The following STRN3 variants were observed in gnomAD, a reference collection of about 807,000 sequenced individuals.
STRN3 encodes striatin-3.
A neutral mutation model predicts 95.6 loss-of-function variants in STRN3; 29 were observed. The ratio of observed to expected loss-of-function variants is 0.30; its 90% CI spans 0.23 to 0.41. STRN3 has a LOEUF of 0.41. Ranked by LOEUF, STRN3 falls within the 10% of genes least tolerant of loss-of-function variation. The probability of loss-of-function intolerance (pLI) is 1.00; values close to 1 mark genes in which losing one functional copy is unlikely to be tolerated. For missense variants in STRN3, 890 were observed against 972.1 expected (o/e 0.92, Z 1.12); for synonymous variants, 331 against 357.6 (o/e 0.93, Z 0.84).
At chr14:30,980,290 TAATTTTTTAACTGC>T (rs749566951) in intron 1 of STRN3, among the ~76,000 whole-genome samples, 24 of 152,294 alleles carry the variant, frequency 1.6e-4, no homozygotes, top group Admixed American at 6.5e-4. Context: ...TGACAGCAGA[TAATTTTTTAACTGC>T]AAGACCACTA....
At chr14:30,982,683 C>T (rs558654811) in intron 1 of STRN3, among the ~76,000 whole-genome samples, 79 of 152,328 alleles carry the variant, frequency 5.2e-4, no homozygotes, top group African/African-American at 1.8e-3. Context: ...CATTAAGCCA[C>T]AGATAAGCCC....
At chr14:31,003,800 A>T (rs1272962030) in intron 1 of STRN3, among the ~76,000 whole-genome samples, 1 of 146,802 alleles carries the variant, frequency 6.8e-6, no homozygotes, top group Non-Finnish European at 1.5e-5. Flanking sequence ...CTTTCTTAAA[A>T]AAAAAAAAAA....
At chr14:30,921,798 A>C (rs1170736908) in intron 8 of STRN3, among the ~76,000 whole-genome samples, 1 of 152,204 alleles carries the variant, frequency 6.6e-6, no homozygotes, top group Non-Finnish European at 1.5e-5. Context: ...TAATTAAATA[A>C]AAACTGAAAT....
chr14:30,952,577 G>A (rs568418629), intron 3 of STRN3, among the ~76,000 whole-genome samples: 1 of 152,084 alleles, frequency 6.6e-6, no homozygotes, highest in African/African-American at 2.4e-5. Context: ...GCACGTGCCT[G>A]TAGTCCCAGC....
chr14:31,006,085 C>T (rs116648557), intron 1 of STRN3, among the ~76,000 whole-genome samples: 2,681 of 143,338 alleles, frequency 0.019, 74 homozygotes, highest in African/African-American at 0.065. Flanking sequence ...CGCCACTGCA[C>T]TCAGGCCTAG....
intron 9 of STRN3, among the ~76,000 whole-genome samples, 163 bp downstream of exon 9, chr14:30,918,803 A>C (rs1896807343): frequency 6.6e-6 from 1 of 152,234 alleles, no homozygotes; most frequent in South Asian, 2.1e-4. Context: ...CAGAAATGTC[A>C]AAATCCCTAA....
chr14:31,024,465 G>A (rs1289705758), intron 1 of STRN3, among the ~76,000 whole-genome samples: 1 of 152,140 alleles, frequency 6.6e-6, no homozygotes, highest in Non-Finnish European at 1.5e-5. Context: ...CTTTTTTAAA[G>A]TTATGTAATT....
chr14:31,007,195 C>T (rs1043330871), intron 1 of STRN3, among the ~76,000 whole-genome samples: 5 of 152,030 alleles, frequency 3.3e-5, no homozygotes, highest in African/African-American at 1.2e-4. Flanking sequence ...CCGGAAGGAC[C>T]GCAGCAGACA....
intron 8 of STRN3, among the ~76,000 whole-genome samples, chr14:30,919,830 T>C (rs752818457): frequency 6.6e-6 from 1 of 152,126 alleles, no homozygotes; most frequent in Non-Finnish European, 1.5e-5. Flanking sequence ...GGCCAAAATA[T>C]ATAAAACTCA....
intron 9 of STRN3, among the ~76,000 whole-genome samples, chr14:30,918,091 A>T (rs2139010096): frequency 6.6e-6 from 1 of 152,302 alleles, no homozygotes; most frequent in South Asian, 2.1e-4. Context: ...GTTTAGGCAA[A>T]TTTTATAAAA....
chr14:30,996,811 A>G (rs976361888), intron 1 of STRN3, among the ~76,000 whole-genome samples: 3 of 150,046 alleles, frequency 2.0e-5, no homozygotes, highest in Non-Finnish European at 4.5e-5. Flanking sequence ...GAATGCAGTG[A>G]GCCGAGATCG....
Position 30,902,626 on chromosome 14 carries a change from G to T in STRN3, c.2047C>A (p.His683Asn). 1 of 1,593,086 alleles carries T rather than the reference G, an allele frequency of 6.3e-7. No homozygotes were observed. Among genetic ancestry groups the T allele is most frequent in the South Asian group, 1.2e-5 (1 of 86,662 alleles). Reference protein sequence around the residue: ...QVDSGLQSNNHINRVVSHPTL... With the variant: ...QVDSGLQSNNNINRVVSHPTL... ...GGATGACTTACTACTCTGTTGATATGATTATTAGATTGTAAACCTGAAAAA... is the reference window on the plus strand; with the variant it reads ...GGATGACTTACTACTCTGTTGATATTATTATTAGATTGTAAACCTGAAAAA... The change falls in exon 16 of 18, where the codon CAT becomes AAT. Residue 683 changes from histidine (H) to asparagine (N), a missense_variant. His to Asn is a moderately conservative substitution (Grantham distance 68). This residue lies in a region of STRN3 where 357 missense variants were observed against 422.8 expected (regional missense o/e 0.84). Transcript: ENST00000357479.
At position 31,015,528 on chromosome 14, in the gene STRN3, C is replaced by T. The variant is rs74582882; in HGVS notation, c.282+10376G>A. On this transcript the variant is annotated intron_variant, in intron 1 of 17. Coordinates refer to ENST00000357479, the MANE Select transcript of STRN3 (RefSeq NM_001083893.2). ...GCTGAACTACAGGCATGCACCATCA[C>T]ACCGAGCTAATTTTTTGTATTTTTA... Among the ~76,000 whole-genome samples, 575 of 152,076 alleles carry T rather than the reference C, an allele frequency of 3.8e-3. 2 individuals carry two copies. Among genetic ancestry groups the T allele is most frequent in the African/African-American group, 0.013 (540 of 41,482 alleles).
intron 16 of STRN3, 80 bp from the exon 17 acceptor site, chr14:30,895,828 A>G: frequency 8.1e-7 from 1 of 1,228,188 alleles, no homozygotes; most frequent in Admixed American, 2.6e-5. Flanking sequence ...TATAGCATCA[A>G]CATAAAACAA....
At chr14:30,959,929 AT>A (rs1369614855) in intron 1 of STRN3, among the ~76,000 whole-genome samples, 1 of 152,204 alleles carries the variant, frequency 6.6e-6, no homozygotes, top group Admixed American at 6.5e-5. Context: ...AAAAATATCA[AT>A]TTTTACCCAA....
At chr14:30,981,792 T>G (rs1233684941) in intron 1 of STRN3, among the ~76,000 whole-genome samples, 1 of 152,162 alleles carries the variant, frequency 6.6e-6, no homozygotes, top group Non-Finnish European at 1.5e-5. Flanking sequence ...GTTTTCCAAT[T>G]TTATTGATAA....
chr14:31,019,596 A>T (rs1228241847), intron 1 of STRN3, among the ~76,000 whole-genome samples: 1 of 152,214 alleles, frequency 6.6e-6, no homozygotes, highest in Non-Finnish European at 1.5e-5. Context: ...GAATTCTGGC[A>T]GGAGGAGTAC....
intron 5 of STRN3, among the ~76,000 whole-genome samples, chr14:30,937,138 A>G (rs1566445611): frequency 6.6e-6 from 1 of 151,934 alleles, no homozygotes; most frequent in African/African-American, 2.4e-5. Context: ...TGGGCAACAC[A>G]GTGAAACCCA....
chr14:30,958,331 A>C (rs1022965607), intron 1 of STRN3, among the ~76,000 whole-genome samples: 3 of 149,004 alleles, frequency 2.0e-5, no homozygotes, highest in African/African-American at 7.3e-5. Flanking sequence ...AATAAAAATA[A>C]ACAAATAAGC....
Sources: gnomAD v4.1 joint callset for allele counts (sites outside exome capture counted in the v4.1 genomes callset) on GRCh38, gnomAD v4.1.1 for gene constraint, gnomAD v4.1.1 regional missense constraint, MANE v1.5 for transcripts, NCBI Gene and HGNC (gene_info 2026-07-23, HGNC 2026-07-21) for gene names.